PDE4D: variants seen among roughly 807,000 people sequenced by gnomAD.
PDE4D encodes the protein phosphodiesterase 4D.
A neutral mutation model predicts 87.4 loss-of-function variants in PDE4D; 24 were observed. That is an observed-to-expected ratio of 0.27 (90% CI 0.20 to 0.39). The LOEUF is 0.39. Among genes scored for constraint, PDE4D ranks in the 10% least tolerant of loss-of-function variants. The pLI, the probability that PDE4D is intolerant of heterozygous loss-of-function variation, is 1.00. For missense variants in PDE4D, 714 were observed against 1,041.0 expected (o/e 0.69, Z 4.32); for synonymous variants, 384 against 383.2 (o/e 1.00, Z -0.02).
At chr5:59,421,765 A>G (rs1018058275) in intron 1 of PDE4D, among the ~76,000 whole-genome samples, 2 of 152,138 alleles carry the variant, frequency 1.3e-5, no homozygotes, top group African/African-American at 4.8e-5. Context: ...CTTTTTTTTA[A>G]ATAAAGAACT....
At chr5:59,291,140 T>C (rs533595633) in intron 1 of PDE4D, among the ~76,000 whole-genome samples, 14 of 152,230 alleles carry the variant, frequency 9.2e-5, no homozygotes, top group South Asian at 6.2e-4. Flanking sequence ...CCCATGTTTA[T>C]TGCAGCACTA....
At chr5:60,391,802 G>A (rs1029718970) in intron 1 of PDE4D, among the ~76,000 whole-genome samples, 5 of 151,992 alleles carry the variant, frequency 3.3e-5, no homozygotes, top group Non-Finnish European at 7.4e-5. Context: ...ACCTCTTTGG[G>A]GGCCATTATT....
chr5:59,980,264 C>G (rs1761782806), intron 3 of PDE4D, among the ~76,000 whole-genome samples: 1 of 152,118 alleles, frequency 6.6e-6, no homozygotes, highest in South Asian at 2.1e-4. Context: ...TGCAAAGAAA[C>G]TATCTATGGA....
chr5:60,016,023 CTCTG>C (rs1325994989), intron 2 of PDE4D, among the ~76,000 whole-genome samples: 22 of 147,368 alleles, frequency 1.5e-4, no homozygotes, highest in Admixed American at 1.1e-3. Context: ...CTCTCTCTCT[CTCTG>C]TGTGTGTGTG....
intron 1 of PDE4D, among the ~76,000 whole-genome samples, chr5:59,786,081 C>T (rs140728781): frequency 6.6e-6 from 1 of 152,260 alleles, no homozygotes; most frequent in Non-Finnish European, 1.5e-5. Flanking sequence ...AGCCTTTCCA[C>T]ATCAACTGGC....
intron 5 of PDE4D, among the ~76,000 whole-genome samples, chr5:59,093,891 A>G (rs1233473964): frequency 6.6e-6 from 1 of 152,126 alleles, no homozygotes; most frequent in Non-Finnish European, 1.5e-5. Flanking sequence ...CTTAGATAAA[A>G]CACACTTCTG....
chr5:60,328,539 T>C (rs1322790706), intron 1 of PDE4D, among the ~76,000 whole-genome samples: 1 of 152,272 alleles, frequency 6.6e-6, no homozygotes, highest in Non-Finnish European at 1.5e-5. Flanking sequence ...ATATTTGCTA[T>C]ATGGCAGTTT....
chr5:59,855,124 C>G (rs1357348489), intron 1 of PDE4D, among the ~76,000 whole-genome samples: 2 of 152,082 alleles, frequency 1.3e-5, no homozygotes, highest in Non-Finnish European at 2.9e-5. Context: ...CCCTTCTAAC[C>G]AGCTCCCTGG....
chr5:59,329,046 C>T (rs1037759972), intron 1 of PDE4D, among the ~76,000 whole-genome samples: 1 of 152,152 alleles, frequency 6.6e-6, no homozygotes, highest in African/African-American at 2.4e-5. Flanking sequence ...ACTGCATCCT[C>T]CTTGCAAGAA....
At chr5:59,218,321 G>C (rs1751718714) in intron 1 of PDE4D, among the ~76,000 whole-genome samples, 1 of 151,976 alleles carries the variant, frequency 6.6e-6, no homozygotes. Flanking sequence ...GTTTTTTTCA[G>C]TTCAACTGAG....
intron 1 of PDE4D, among the ~76,000 whole-genome samples, chr5:60,339,240 G>A (rs1442240620): frequency 6.6e-6 from 1 of 152,066 alleles, no homozygotes; most frequent in Non-Finnish European, 1.5e-5. Context: ...AAGCACTTTA[G>A]GGATATTCAA....
rs542356337 is a variant in PDE4D, at chr5:59,809,141, A to T, written c.455+84027T>A. 2.6e-5 allele frequency among the ~76,000 whole-genome samples: 4 copies of T among 152,336 alleles called. No homozygotes were observed. In the South Asian group the frequency reaches 8.3e-4, roughly 32 times the overall value. ...CCGTGCCTTAGTTGGCGCCTCTAAC[A>T]TAGGGAGTTGGACATTGCTAATGAT... On this transcript the variant is annotated intron_variant, in intron 1 of 14. Coordinates refer to ENST00000340635, the MANE Select transcript of PDE4D (RefSeq NM_001104631.2).
intron 2 of PDE4D, among the ~76,000 whole-genome samples, chr5:60,106,798 C>T (rs1776989295): frequency 6.6e-6 from 1 of 152,012 alleles, no homozygotes; most frequent in Admixed American, 6.6e-5. Context: ...TAAAGATATT[C>T]TTTGAAACCA....
In PDE4D at chr5:58,992,023, T is replaced by C; in HGVS notation, c.1016-19A>G. 1 of 1,441,730 alleles carries C rather than the reference T, an allele frequency of 6.9e-7. No homozygotes were observed. Among genetic ancestry groups the C allele is most frequent in the Admixed American group, 2.5e-5 (1 of 40,798 alleles). The allele number at this position is 1,441,730 out of a possible 1,614,324, so 89.3% of individuals were successfully genotyped here. A position where few individuals can be genotyped will look rare whatever the true frequency, so the allele number is the denominator to read the frequency against. On this transcript the variant is annotated intron_variant, in intron 7 of 14. Transcript: ENST00000340635. Reference sequence around the variant, plus strand: ...TGCTTATCTTGAGAAATTTAGAAAATGTTCTATATTTATTATTAATTCTAT... The same window carrying C: ...TGCTTATCTTGAGAAATTTAGAAAACGTTCTATATTTATTATTAATTCTAT...
chr5:58,972,818 C>T lies in PDE4D; in HGVS notation c.*1846G>A, dbSNP rs907719228. On this transcript the variant is annotated 3_prime_UTR_variant, in exon 15 of 15. Transcript: ENST00000340635. ...TAATCTCTAAAACTGTAATACAGTT[C>T]CTGGTGCTGAAATCAGCCAAGAGTG... The T allele has an allele frequency of 8.5e-5, 13 of 152,268 alleles. No individual in the cohort carries two copies. Among genetic ancestry groups the T allele is most frequent in the African/African-American group, 2.9e-4 (12 of 41,558 alleles). The allele number at this position is 152,268 out of a possible 1,614,324, so 9.4% of individuals were successfully genotyped here. A position where few individuals can be genotyped will look rare whatever the true frequency, so the allele number is the denominator to read the frequency against.
At chr5:59,294,385 C>T (rs78510347) in intron 1 of PDE4D, among the ~76,000 whole-genome samples, 4,625 of 152,240 alleles carry the variant, frequency 0.03, 255 homozygotes, top group African/African-American at 0.11. Flanking sequence ...TGTCTTTCTG[C>T]ATCTCAAATG....
At chr5:59,496,304 G>A (rs937383259) in intron 1 of PDE4D, among the ~76,000 whole-genome samples, 4 of 152,080 alleles carry the variant, frequency 2.6e-5, no homozygotes, top group African/African-American at 9.7e-5. Flanking sequence ...TACCCGCTAG[G>A]GTCTTGGGGT....
At chr5:59,891,787 T>TCTCACACA (rs112081545) in intron 1 of PDE4D, among the ~76,000 whole-genome samples, 2 of 150,260 alleles carry the variant, frequency 1.3e-5, no homozygotes, top group South Asian at 2.1e-4. Context: ...AGAGACATGC[T>TCTCACACA]CACACACACA....
intron 1 of PDE4D, among the ~76,000 whole-genome samples, chr5:59,594,295 TA>T (rs1826339207): frequency 1.3e-5 from 1 of 79,556 alleles, no homozygotes; most frequent in Non-Finnish European, 2.7e-5. Flanking sequence ...TTTTTTATTT[TA>T]TTTATTTATT....
Sources: gnomAD v4.1 joint callset for allele counts (sites outside exome capture counted in the v4.1 genomes callset) on GRCh38, gnomAD v4.1.1 for gene constraint, MANE v1.5 for transcripts, NCBI Gene and HGNC (gene_info 2026-07-23, HGNC 2026-07-21) for gene names.